ZNF462: variants seen among roughly 807,000 people sequenced by gnomAD.
ZNF462 encodes zinc finger protein 462.
In ZNF462, 10 loss-of-function variants were observed where a neutral mutation model predicts 201.9. The ratio of observed to expected loss-of-function variants is 0.05; its 90% CI spans 0.03 to 0.08. ZNF462 has a LOEUF of 0.08. Among genes scored for constraint, ZNF462 ranks in the 10% least tolerant of loss-of-function variants. The pLI, the probability that ZNF462 is intolerant of heterozygous loss-of-function variation, is 1.00. For synonymous variants in ZNF462, 1,227 were observed against 1,193.3 expected, an observed-to-expected ratio of 1.03 and a Z score of -0.58; for missense variants, 2,523 against 3,168.3, an observed-to-expected ratio of 0.80 and a Z score of 4.89.
chr9:106,956,284 C>T (rs1467999137), intron 7 of ZNF462, among the ~76,000 whole-genome samples: 1 of 152,082 alleles, frequency 6.6e-6, no homozygotes, highest in East Asian at 1.9e-4. Flanking sequence ...ATATCTTCAT[C>T]AGAGCTCTAG....
upstream of ZNF462, among the ~76,000 whole-genome samples, chr9:106,861,088 T>C (rs1827054030): frequency 6.6e-6 from 1 of 151,592 alleles, no homozygotes; most frequent in African/African-American, 2.4e-5. Context: ...GAGTGTCATT[T>C]ATTTATTTAT....
chr9:106,929,740 C>G lies in ZNF462; in HGVS notation c.5828C>G (p.Ala1943Gly), dbSNP rs1447329421. The change falls in exon 3 of 13, where the codon GCA (alanine) becomes GGA (glycine). Residue 1943 changes from alanine to glycine, a missense_variant. Ala to Gly is a moderately conservative substitution (Grantham distance 60, BLOSUM62 0). Around this residue, in one of 15 missense-constraint regions of ZNF462, gnomAD observed 107 missense variants for 187.7 expected, o/e 0.57. Coordinates refer to ENST00000277225, the MANE Select transcript of ZNF462 (RefSeq NM_021224.6). This position sits in a 1 kb window ranked among gnomAD's most constrained non-coding sequence, Gnocchi z 8.7. Reference protein sequence around the residue: ...SKQKYADGAFADFKQERPFGH... With the variant: ...SKQKYADGAFGDFKQERPFGH... The stretch of plus-strand genomic sequence containing the variant: ...CAGAAATATGCAGATGGTGCTTTTG[C>G]AGATTTCAAACAAGAGAGGGTAAGG... The G allele has an allele frequency of 6.2e-7, 1 of 1,613,096 alleles. No individual in the cohort carries two copies. The highest frequency in any genetic ancestry group is 1.1e-5 in the South Asian group (1 of 90,812).
rs994007311 is a variant in ZNF462 at position 107,008,593 on chromosome 9, A to G, written c.7190-952A>G. On this transcript the variant is annotated intron_variant, in intron 11 of 12. Transcript: ENST00000277225. This position sits in a 1 kb window ranked among gnomAD's most constrained non-coding sequence, Gnocchi z 4.8. ...CAAGGTCCTGCTGTTTATTACCTAC[A>G]TGAAGACTTGGCCCTCTGTGGTATA... is the stretch of plus-strand genomic sequence containing the variant. Among the ~76,000 whole-genome samples the G allele has an allele frequency of 2.6e-5, 4 of 152,142 alleles. No homozygotes were observed. Among genetic ancestry groups the G allele is most frequent in the African/African-American group, 7.2e-5 (3 of 41,434 alleles).
At chr9:106,863,402 C>CG in intron 1 of ZNF462, 47 bp downstream of exon 1, 1 of 388,820 alleles carries the variant, frequency 2.6e-6, no homozygotes, top group Non-Finnish European at 4.5e-6. Flanking sequence ...CCGAGTGCTC[C>CG]GGGGAAGAGA....
rs1008267593 is a variant in ZNF462, at chr9:106,935,423, C to T, written c.6117-80C>T. 1.6e-6 allele frequency: 2 copies of T among 1,274,652 alleles called. No homozygotes were observed. Among genetic ancestry groups the T allele is most frequent in the African/African-American group, 2.9e-5 (2 of 68,454 alleles). 79.0% of individuals were successfully genotyped at this position (1,274,652 alleles called of 1,614,324 possible). A position where few individuals can be genotyped will look rare whatever the true frequency, so the allele number is the denominator to read the frequency against. ...TTTGAACGACCTAGAAGTAGGATTC[C>T]TGGAAAAAAAGCAATGAGCAAATCC... On this transcript the variant is annotated intron_variant, in intron 5 of 12. Coordinates refer to ENST00000277225, the MANE Select transcript of ZNF462 (RefSeq NM_021224.6). This position sits in a 1 kb window ranked among gnomAD's most constrained non-coding sequence, Gnocchi z 4.1.
At chr9:106,958,371 A>G (rs1045384218) in intron 7 of ZNF462, among the ~76,000 whole-genome samples, 5 of 151,928 alleles carry the variant, frequency 3.3e-5, no homozygotes, top group Admixed American at 3.3e-4. Flanking sequence ...TGGGCCCTGC[A>G]TTTCTCACTG....
At chr9:107,001,566 A>G (rs1037843575) in intron 10 of ZNF462, among the ~76,000 whole-genome samples, 2 of 152,176 alleles carry the variant, frequency 1.3e-5, no homozygotes, top group Non-Finnish European at 2.9e-5. Flanking sequence ...TTCTTATGCT[A>G]TCCCTTTTTG....
rs1447106658 is a variant in ZNF462, at chr9:106,919,366, C to T, written c.-30-3988C>T. ...TGTGGTTTGTCTCCTTCCTCCTTCA[C>T]AGGAGGGAAAACTGAGGCAAATGGA... On this transcript the variant is annotated intron_variant, in intron 1 of 12. Transcript: ENST00000277225. The surrounding 1 kb of genome is among the most constrained non-coding windows in gnomAD (Gnocchi z 4.5). 1.3e-5 allele frequency among the ~76,000 whole-genome samples: 2 copies of T among 152,164 alleles called. No homozygotes were observed. The highest frequency in any genetic ancestry group is 4.8e-5 in the African/African-American group (2 of 41,422).
In ZNF462 at chr9:106,972,617, A is replaced by C. The variant is rs1467723248; in HGVS notation, c.6695+345A>C. 6.6e-6 allele frequency among the ~76,000 whole-genome samples: 1 copy of C among 152,184 alleles called. No individual in the cohort carries two copies. Among genetic ancestry groups the C allele is most frequent in the South Asian group, 2.1e-4 (1 of 4,830 alleles). ...TCCTTTTTTTAGCTTTGGAAAAAAA[A>C]GTATGTTCTTGGAAGCAAAGTCAAA... On this transcript the variant is annotated intron_variant, in intron 8 of 12. Coordinates refer to ENST00000277225, the MANE Select transcript of ZNF462 (RefSeq NM_021224.6). This position sits in a 1 kb window ranked among gnomAD's most constrained non-coding sequence, Gnocchi z 4.8.
upstream of ZNF462, among the ~76,000 whole-genome samples, chr9:106,860,871 C>A (rs983095493): frequency 2.4e-4 from 36 of 152,146 alleles, no homozygotes; most frequent in African/African-American, 8.7e-4. The surrounding 1 kb of genome is among the most constrained non-coding windows in gnomAD (Gnocchi z 7.1). Flanking sequence ...AGGGGGAGTC[C>A]TCCCAAAGCC....
chr9:106,912,108 A>G (rs753550216), intron 1 of ZNF462, among the ~76,000 whole-genome samples: 1 of 152,112 alleles, frequency 6.6e-6, no homozygotes, highest in Non-Finnish European at 1.5e-5. Context: ...CGACCCTGCT[A>G]TGTCCAGATC....
At chr9:106,949,353 C>T (rs566440158) in intron 7 of ZNF462, among the ~76,000 whole-genome samples, 6 of 152,240 alleles carry the variant, frequency 3.9e-5, no homozygotes, top group African/African-American at 7.2e-5. Context: ...CAAAAGCAAC[C>T]GCACACAAGG....
rs188001071 is a variant in ZNF462 at position 107,009,883 on chromosome 9, G to A, written c.7313+215G>A. 3.3e-5 allele frequency among the ~76,000 whole-genome samples: 5 copies of A among 152,234 alleles called. No homozygotes were observed. Among genetic ancestry groups the A allele is most frequent in the Middle Eastern group, 3.4e-3 (1 of 294 alleles). ...CGCAAGTCAAATAGGGAAAAAAATC[G>A]TCTTTATGAATGATCAGTCCTGCTC... On this transcript the variant is annotated intron_variant, in intron 12 of 12. Coordinates refer to ENST00000277225, the MANE Select transcript of ZNF462 (RefSeq NM_021224.6). The surrounding 1 kb of genome is among the most constrained non-coding windows in gnomAD (Gnocchi z 6.1).
In ZNF462 at chr9:106,927,981, C is replaced by G. The variant is rs376254036; in HGVS notation, c.4069C>G (p.Pro1357Ala). The change falls in exon 3 of 13, where the codon CCT becomes GCT. Residue 1357 changes from proline (P) to alanine (A), a missense_variant. Around this residue, in one of 15 missense-constraint regions of ZNF462, gnomAD observed 165 missense variants for 142.6 expected, o/e 1.16. Coordinates refer to ENST00000277225, the MANE Select transcript of ZNF462 (RefSeq NM_021224.6). ...TKLWAGPDPS[P>A]PSLTMPAEAK... ...ACTGTGGGCTGGGCCAGACCCATCC[C>G]CTCCCTCTCTCACAATGCCAGCCGA... 5.0e-5 allele frequency: 81 copies of G among 1,614,054 alleles called. No homozygotes were observed. The highest frequency in any genetic ancestry group is 6.5e-5 in the Non-Finnish European group (77 of 1,180,044).
intron 7 of ZNF462, among the ~76,000 whole-genome samples, chr9:106,956,145 A>T (rs1831562886): frequency 6.6e-6 from 1 of 152,180 alleles, no homozygotes; most frequent in African/African-American, 2.4e-5. Context: ...ATCACTATCT[A>T]TGGCAACTGA....
intron 1 of ZNF462, among the ~76,000 whole-genome samples, chr9:106,900,719 A>G (rs772525202): frequency 6.6e-6 from 1 of 151,786 alleles, no homozygotes; most frequent in Non-Finnish European, 1.5e-5. Flanking sequence ...TCCTTCACCT[A>G]CTTTTTGATG....
chr9:106,885,038 G>A lies in ZNF462; in HGVS notation c.-31+21683G>A, dbSNP rs1354546718. On this transcript the variant is annotated intron_variant, in intron 1 of 12. Coordinates refer to ENST00000277225, the MANE Select transcript of ZNF462 (RefSeq NM_021224.6). The surrounding 1 kb of genome is among the most constrained non-coding windows in gnomAD (Gnocchi z 4.1). The stretch of plus-strand genomic sequence containing the variant: ...GGTTAAGATTCTGCTTCAAAGCAAT[G>A]TATGTGTTCAACATAACCTTTCTAG... Among the ~76,000 whole-genome samples, 4 of 152,196 alleles carry A rather than the reference G, an allele frequency of 2.6e-5. No individual in the cohort carries two copies. Among genetic ancestry groups the A allele is most frequent in the Non-Finnish European group, 2.9e-5 (2 of 68,042 alleles).
At chr9:106,964,070 T>A (rs1051776735) in intron 7 of ZNF462, among the ~76,000 whole-genome samples, 7 of 151,760 alleles carry the variant, frequency 4.6e-5, no homozygotes, top group African/African-American at 1.7e-4. Context: ...CTCATTCACA[T>A]GTTGATGAAC....
intron 1 of ZNF462, among the ~76,000 whole-genome samples, chr9:106,891,534 G>A (rs951906381): frequency 2.6e-5 from 4 of 152,072 alleles, no homozygotes; most frequent in African/African-American, 7.2e-5. Flanking sequence ...AGATGGTCAC[G>A]AGAGAGAAAA....
Sources: allele counts gnomAD v4.1 joint callset (sites outside exome capture counted in the v4.1 genomes callset), GRCh38; gene constraint gnomAD v4.1.1; regional missense constraint gnomAD v4.1.1; non-coding constraint Gnocchi (gnomAD v3.1); transcripts MANE v1.5; gene names NCBI Gene and HGNC (gene_info 2026-07-23, HGNC 2026-07-21).